Variants in WSCD2 observed in about 807,000 individuals in gnomAD.
The protein encoded by WSCD2 is sialate:O-sulfotransferase 2.
WSCD2 carries 28 observed loss-of-function variants against 55.7 expected under a neutral mutation model. The ratio of observed to expected loss-of-function variants is 0.50; its 90% CI spans 0.37 to 0.69. The LOEUF (loss-of-function observed/expected upper bound fraction) is 0.69. WSCD2 is among the 30% of genes least tolerant of loss of function. The pLI is 0.00. For synonymous variants in WSCD2, 301 were observed against 301.9 expected, an observed-to-expected ratio of 1.00 and a Z score of 0.03; for missense variants, 616 against 762.1, an observed-to-expected ratio of 0.81 and a Z score of 2.26.
At chr12:108,223,091 C>T (rs1156637104) in intron 4 of WSCD2, among the ~76,000 whole-genome samples, 1 of 152,172 alleles carries the variant, frequency 6.6e-6, no homozygotes, top group Non-Finnish European at 1.5e-5. Context: ...CTTTTAAGTC[C>T]CTCAACTGAT....
chr12:108,179,604 C>T (rs769351133), intron 1 of WSCD2, among the ~76,000 whole-genome samples: 3 of 152,286 alleles, frequency 2.0e-5, no homozygotes, highest in Middle Eastern at 3.4e-3. Context: ...TTGATCCAGA[C>T]GATCATCCAG....
chr12:108,204,832 A>C (rs1461049022), intron 2 of WSCD2, among the ~76,000 whole-genome samples: 5 of 152,238 alleles, frequency 3.3e-5, no homozygotes, highest in Non-Finnish European at 7.3e-5. Context: ...ATGAGCCTGC[A>C]TTCTCTGCTA....
chr12:108,212,266 TTA>T (rs1230647671), intron 4 of WSCD2, among the ~76,000 whole-genome samples: 3 of 152,330 alleles, frequency 2.0e-5, no homozygotes, highest in Admixed American at 6.5e-5. Flanking sequence ...AATATTTATG[TTA>T]TGTTATTTTG....
At chr12:108,166,809 CT>C (rs1160762137) in intron 1 of WSCD2, among the ~76,000 whole-genome samples, 12 of 131,986 alleles carry the variant, frequency 9.1e-5, no homozygotes, top group Non-Finnish European at 1.2e-4. Context: ...TTCTTTCTCT[CT>C]TTTTTTCTTT....
At chr12:108,231,367 G>A (rs1338464147) in intron 6 of WSCD2, among the ~76,000 whole-genome samples, 2 of 152,200 alleles carry the variant, frequency 1.3e-5, no homozygotes, top group Non-Finnish European at 2.9e-5. Flanking sequence ...CAAAAGAAAA[G>A]CTTGTGCTTT....
At chr12:108,244,654 C>A in intron 8 of WSCD2, 1 of 697,754 alleles carries the variant, frequency 1.4e-6, no homozygotes, top group South Asian at 1.5e-5. Flanking sequence ...TCTCCAAAGT[C>A]ACATACCTCA....
chr12:108,133,319 C>T lies in WSCD2; in HGVS notation c.-552+3393C>T, dbSNP rs57603237. 3.3e-3 allele frequency among the ~76,000 whole-genome samples: 506 copies of T among 152,180 alleles called. 7 individuals carry two copies. Among genetic ancestry groups the T allele is most frequent in the African/African-American group, 0.012 (489 of 41,512 alleles). ...GTGTTCCAGTGTAACTTTTGTCTCA[C>T]GTATGAGTGAATTTCTGAGTGGTGT... On this transcript the variant is annotated intron_variant, in intron 1 of 8. Transcript: ENST00000547525.
chr12:108,179,228 G>C (rs990198761), intron 1 of WSCD2, among the ~76,000 whole-genome samples: 9 of 151,402 alleles, frequency 5.9e-5, no homozygotes, highest in Non-Finnish European at 1.0e-4. Flanking sequence ...CAGGCTCCAC[G>C]GGAGTCCTGC....
intron 1 of WSCD2, among the ~76,000 whole-genome samples, chr12:108,184,638 C>A (rs1882223969): frequency 6.6e-6 from 1 of 152,196 alleles, no homozygotes. Context: ...TCCAGCCTCT[C>A]TGAGCCCCCG....
At chr12:108,209,873 G>C (rs1268263450) in intron 3 of WSCD2, among the ~76,000 whole-genome samples, 1 of 151,792 alleles carries the variant, frequency 6.6e-6, no homozygotes, top group Non-Finnish European at 1.5e-5. Flanking sequence ...CATTTATTTG[G>C]TGTCCCCCTG....
At chr12:108,211,876 G>C (rs796497989) in intron 4 of WSCD2, among the ~76,000 whole-genome samples, 17 of 150,172 alleles carry the variant, frequency 1.1e-4, no homozygotes, top group African/African-American at 4.2e-4. Context: ...TGTTGGCCAG[G>C]CTGGTCTCAA....
rs749701391 is a variant in WSCD2 at position 108,226,990 on chromosome 12, G to A, written c.805G>A (p.Glu269Lys). 108 of 1,612,910 alleles carry A rather than the reference G, an allele frequency of 6.7e-5. No individual in the cohort carries two copies. The highest frequency in any genetic ancestry group is 9.1e-5 in the Non-Finnish European group (107 of 1,179,532). The part of the protein sequence containing the change: ...DKCVDFCTEK[E>K]YPLAALAGTA... ...TCTTCTTCTCCCACTCCATCCCCAGGAGTACCCGCTGGCAGCTCTTGCAGG... is the reference window on the plus strand; with the variant it reads ...TCTTCTTCTCCCACTCCATCCCCAGAAGTACCCGCTGGCAGCTCTTGCAGG... Residue 269 changes from glutamate (E) to lysine (K), a missense_variant and splice_region_variant, in exon 6 of 9, where the codon GAG becomes AAG. This residue lies in a region of WSCD2 where 374 missense variants were observed against 467.4 expected (regional missense o/e 0.80). Transcript: ENST00000547525.
At chr12:108,200,149 G>A (rs1011716889) in intron 2 of WSCD2, among the ~76,000 whole-genome samples, 7 of 152,176 alleles carry the variant, frequency 4.6e-5, no homozygotes, top group Non-Finnish European at 1.0e-4. Context: ...GATTTAGTCT[G>A]CATTTTTTTG....
chr12:108,166,751 T>TCTTA (rs1879657810), intron 1 of WSCD2, among the ~76,000 whole-genome samples: 1 of 47,172 alleles, frequency 2.1e-5, no homozygotes, highest in Non-Finnish European at 5.8e-5. Context: ...TTTCCTTCTT[T>TCTTA]CTTTCTTTCT....
At position 108,144,786 on chromosome 12, in the gene WSCD2, A is replaced by G. The variant is rs138804164; in HGVS notation, c.-552+14860A>G. On this transcript the variant is annotated intron_variant, in intron 1 of 8. Coordinates refer to ENST00000547525, the MANE Select transcript of WSCD2 (RefSeq NM_014653.4). ...CTCACTCCATACCAGGCCCTTTCCC[A>G]GCACAGCCTCCTTTACTCCCCCAGC... is the stretch of plus-strand genomic sequence containing the variant. Among the ~76,000 whole-genome samples the G allele has an allele frequency of 3.1e-3, 474 of 152,220 alleles. 3 individuals are homozygous for G. Among genetic ancestry groups the G allele is most frequent in the Non-Finnish European group, 5.8e-3 (393 of 67,984 alleles).
chr12:108,243,239 T>C (rs1392519536), intron 8 of WSCD2, among the ~76,000 whole-genome samples: 3 of 152,198 alleles, frequency 2.0e-5, no homozygotes, highest in African/African-American at 7.2e-5. Context: ...TTTTTTGTTT[T>C]TGTTTTGTTT....
intron 4 of WSCD2, among the ~76,000 whole-genome samples, chr12:108,217,997 G>A (rs1264355524): frequency 1.3e-5 from 2 of 152,146 alleles, no homozygotes; most frequent in Admixed American, 6.5e-5. Flanking sequence ...AAATCACATG[G>A]AGAAATGCCA....
chr12:108,140,953 G>C (rs536071010), intron 1 of WSCD2, among the ~76,000 whole-genome samples: 41 of 152,376 alleles, frequency 2.7e-4, no homozygotes, highest in African/African-American at 9.4e-4. Context: ...CTGCTTTTCA[G>C]CGTGAGCGGA....
Position 108,240,558 on chromosome 12 carries a change from G to T in WSCD2, c.1345+14G>T. On this transcript the variant is annotated intron_variant, in intron 8 of 8. Transcript: ENST00000547525. ...GGAAGGGCAAAGGTACAGCTCGGGAGAGGAGGGGAGGGGAGGGGAGGGGCT... is the reference window on the plus strand; with the variant it reads ...GGAAGGGCAAAGGTACAGCTCGGGATAGGAGGGGAGGGGAGGGGAGGGGCT... 6.4e-7 allele frequency: 1 copy of T among 1,567,398 alleles called. No individual in the cohort carries two copies.
Sources: gnomAD v4.1 joint callset for allele counts (sites outside exome capture counted in the v4.1 genomes callset) on GRCh38, gnomAD v4.1.1 for gene constraint, gnomAD v4.1.1 regional missense constraint, MANE v1.5 for transcripts, NCBI Gene and HGNC (gene_info 2026-07-23, HGNC 2026-07-21) for gene names.